RFX4: variants seen among roughly 807,000 people sequenced by gnomAD.
The protein encoded by RFX4 is transcription factor RFX4.
Under a neutral mutation model 95.0 loss-of-function variants are expected in RFX4, and 10 were observed. The observed-to-expected ratio is 0.11, with a 90% CI of 0.06 to 0.18. The LOEUF is 0.18. Ranked by LOEUF, RFX4 falls within the 10% of genes least tolerant of loss-of-function variation. The pLI, the probability that RFX4 is intolerant of heterozygous loss-of-function variation, is 1.00. For synonymous variants in RFX4, 321 were observed against 340.7 expected (o/e 0.94, Z 0.64); for missense variants, 640 against 922.0 (o/e 0.69, Z 3.96).
intron 3 of RFX4, among the ~76,000 whole-genome samples, chr12:106,649,843 G>C (rs899990438): frequency 2.6e-5 from 4 of 152,178 alleles, no homozygotes; most frequent in African/African-American, 7.2e-5. Context: ...TGCCCAGTTA[G>C]GAACCTGAGG....
At chr12:106,701,649 C>T (rs182626232) in intron 8 of RFX4, among the ~76,000 whole-genome samples, 1 of 152,326 alleles carries the variant, frequency 6.6e-6, no homozygotes. Flanking sequence ...TATGCCAATG[C>T]TACTAATGAG....
chr12:106,704,257 G>A (rs191222508), intron 8 of RFX4, among the ~76,000 whole-genome samples: 33 of 152,194 alleles, frequency 2.2e-4, no homozygotes, highest in African/African-American at 7.7e-4. Flanking sequence ...CATTACATAA[G>A]ATAAGCATGC....
chr12:106,667,984 C>T (rs1263729350), intron 4 of RFX4, among the ~76,000 whole-genome samples: 2 of 152,140 alleles, frequency 1.3e-5, no homozygotes, highest in African/African-American at 2.4e-5. Context: ...AGGTGGAAAC[C>T]AGAAGGTCTC....
At chr12:106,622,515 A>G (rs910636479) in intron 2 of RFX4, among the ~76,000 whole-genome samples, 50 of 152,298 alleles carry the variant, frequency 3.3e-4, no homozygotes, top group African/African-American at 1.1e-3. Context: ...ACAATAGTCC[A>G]AAGAGGTGGC....
intron 2 of RFX4, among the ~76,000 whole-genome samples, chr12:106,621,559 C>T (rs1592860107): frequency 6.6e-6 from 1 of 152,206 alleles, no homozygotes; most frequent in East Asian, 1.9e-4. Context: ...TCTTTAGTCT[C>T]TAAGCTGCTA....
At position 106,586,167 on chromosome 12, in the gene RFX4, G is replaced by C. The variant is rs938311631; in HGVS notation, c.43+2804G>C. 6.6e-6 allele frequency among the ~76,000 whole-genome samples: 1 copy of C among 152,170 alleles called. No homozygotes were observed. The highest frequency in any genetic ancestry group is 1.5e-5 in the Non-Finnish European group (1 of 68,018). The stretch of plus-strand genomic sequence containing the variant: ...GCCGCGCGCCGCGGTGCTCCGGCAG[G>C]AGGCAAAGGCGACAGGCGCGCGCAG... On this transcript the variant is annotated intron_variant, in intron 1 of 17. Coordinates refer to ENST00000392842, the MANE Select transcript of RFX4 (RefSeq NM_213594.3). The surrounding 1 kb of genome is among the most constrained non-coding windows in gnomAD (Gnocchi z 5.6).
At chr12:106,729,365 TAGC>T (rs2042566223) in intron 13 of RFX4, among the ~76,000 whole-genome samples, 3 of 152,218 alleles carry the variant, frequency 2.0e-5, no homozygotes, top group African/African-American at 7.2e-5. Context: ...TCTTAGAACA[TAGC>T]AGCAAAAGGG....
intron 1 of RFX4, among the ~76,000 whole-genome samples, chr12:106,607,748 T>C (rs1029973145): frequency 6.6e-6 from 1 of 150,468 alleles, no homozygotes; most frequent in Non-Finnish European, 1.5e-5. Flanking sequence ...TGTACTTAGC[T>C]GATGTTGTTG....
chr12:106,623,239 G>A (rs113944983), intron 2 of RFX4, among the ~76,000 whole-genome samples: 10,560 of 150,974 alleles, frequency 0.07, 522 homozygotes, highest in Middle Eastern at 0.17. Context: ...AGGGTTTCAC[G>A]GTGGTCTCAA....
chr12:106,623,614 C>G (rs183811088), intron 2 of RFX4, among the ~76,000 whole-genome samples: 7 of 152,110 alleles, frequency 4.6e-5, no homozygotes, highest in African/African-American at 7.2e-5. Flanking sequence ...AAATTACTTA[C>G]GAGGGAAAAA....
At chr12:106,737,070 A>C (rs1043369924) in intron 15 of RFX4, among the ~76,000 whole-genome samples, 2 of 149,228 alleles carry the variant, frequency 1.3e-5, no homozygotes, top group African/African-American at 4.9e-5. Flanking sequence ...CTCACCCTCC[A>C]AGTTAGAATC....
chr12:106,761,057 G>T (rs2043200747), intron 17 of RFX4, 140 bp from the exon 18 acceptor site: 1 of 933,510 alleles, frequency 1.1e-6, no homozygotes, highest in Non-Finnish European at 1.6e-6. Flanking sequence ...CAGTCTTGTA[G>T]AAGTTCAGTG....
intron 3 of RFX4, among the ~76,000 whole-genome samples, chr12:106,641,914 G>C (rs991077287): frequency 6.6e-6 from 1 of 151,200 alleles, no homozygotes; most frequent in Admixed American, 6.6e-5. Context: ...GCTGATGACA[G>C]GGGAAAAAGG....
At chr12:106,650,863 T>C (rs1159902803) in intron 3 of RFX4, among the ~76,000 whole-genome samples, 1 of 152,202 alleles carries the variant, frequency 6.6e-6, no homozygotes, top group Non-Finnish European at 1.5e-5. Context: ...TAATGTCAGT[T>C]ATTGTTGTTA....
At chr12:106,674,329 T>G (rs1298164816) in intron 4 of RFX4, among the ~76,000 whole-genome samples, 1 of 151,750 alleles carries the variant, frequency 6.6e-6, no homozygotes, top group Non-Finnish European at 1.5e-5. Context: ...ACCTCCATTT[T>G]CTTTCTTTTT....
At chr12:106,629,690 G>C (rs1402440444) in intron 2 of RFX4, among the ~76,000 whole-genome samples, 1 of 152,154 alleles carries the variant, frequency 6.6e-6, no homozygotes, top group African/African-American at 2.4e-5. Flanking sequence ...GCTAAGGCTG[G>C]TTGAACTCCT....
intron 2 of RFX4, among the ~76,000 whole-genome samples, chr12:106,621,476 G>T (rs370076597): frequency 5.9e-5 from 9 of 152,332 alleles, no homozygotes; most frequent in African/African-American, 2.2e-4. Context: ...ACTGCTGAAA[G>T]CACTGGGTGT....
At chr12:106,757,154 T>C (rs1023895631) in intron 17 of RFX4, among the ~76,000 whole-genome samples, 4 of 152,206 alleles carry the variant, frequency 2.6e-5, no homozygotes, top group African/African-American at 7.2e-5. Context: ...AAAAAGAACA[T>C]TAATAACAGC....
At chr12:106,665,108 G>A (rs1485331074) in intron 4 of RFX4, among the ~76,000 whole-genome samples, 1 of 151,748 alleles carries the variant, frequency 6.6e-6, no homozygotes, top group African/African-American at 2.4e-5. Context: ...CAGTGATACT[G>A]GATTCATCAA....
Sources: allele counts gnomAD v4.1 joint callset (sites outside exome capture counted in the v4.1 genomes callset), GRCh38; gene constraint gnomAD v4.1.1; non-coding constraint Gnocchi (gnomAD v3.1); transcripts MANE v1.5; gene names NCBI Gene and HGNC (gene_info 2026-07-23, HGNC 2026-07-21).